The following SYNJ2 variants were observed in gnomAD, a reference collection of about 807,000 sequenced individuals.
The protein encoded by SYNJ2 is polyphosphatidylinositol phosphatase SYNJ2.
In SYNJ2, 116 loss-of-function variants were observed where a neutral mutation model predicts 141.3. The ratio of observed to expected loss-of-function variants is 0.82; its 90% CI spans 0.71 to 0.96. The LOEUF (loss-of-function observed/expected upper bound fraction) is 0.96. Among genes scored for constraint, SYNJ2 ranks in the 40% least tolerant of loss-of-function variants. The pLI, the probability that SYNJ2 is intolerant of heterozygous loss-of-function variation, is 0.00. For synonymous variants in SYNJ2, 745 were observed against 777.7 expected (o/e 0.96, Z 0.70); for missense variants, 1,873 against 1,934.8 (o/e 0.97, Z 0.60).
At position 158,040,806 on chromosome 6, in the gene SYNJ2, C is replaced by CTCAG. The variant is rs1779904533; in HGVS notation, c.712-2508_712-2507insAGTC. ...TCTGGAAGCGTCACTCAGGGTCACCCTCTGGCTGCTCAGTCTGGGGTCTAG... is the reference window on the plus strand; with the variant it reads ...TCTGGAAGCGTCACTCAGGGTCACCCTCAGTCTGGCTGCTCAGTCTGGGGTCTAG... On this transcript the variant is annotated intron_variant, in intron 4 of 26. Coordinates refer to ENST00000355585, the MANE Select transcript of SYNJ2 (RefSeq NM_003898.4). This position sits in a 1 kb window ranked among gnomAD's most constrained non-coding sequence, Gnocchi z 4.2. 6.6e-6 allele frequency among the ~76,000 whole-genome samples: 1 copy of CTCAG among 152,210 alleles called. No individual in the cohort carries two copies. The highest frequency in any genetic ancestry group is 2.1e-4 in the South Asian group (1 of 4,832).
intron 1 of SYNJ2, among the ~76,000 whole-genome samples, chr6:158,009,353 A>G (rs1322190480): frequency 2.2e-5 from 3 of 139,034 alleles, no homozygotes; most frequent in Non-Finnish European, 4.6e-5. Flanking sequence ...ACCCCCTGCC[A>G]TCACTCATCC....
At chr6:157,990,397 G>A (rs1777377906) in intron 1 of SYNJ2, among the ~76,000 whole-genome samples, 1 of 152,096 alleles carries the variant, frequency 6.6e-6, no homozygotes, top group Non-Finnish European at 1.5e-5. Context: ...TATGTTTCTA[G>A]TGAGCCCACA....
chr6:158,031,381 G>T (rs1010318724), intron 3 of SYNJ2, among the ~76,000 whole-genome samples: 3 of 152,230 alleles, frequency 2.0e-5, no homozygotes, highest in Non-Finnish European at 1.5e-5. Context: ...ACAAAGCGAG[G>T]CAAAGGGGAT....
intron 5 of SYNJ2, among the ~76,000 whole-genome samples, chr6:158,052,383 T>C (rs1780618088): frequency 6.6e-6 from 1 of 152,234 alleles, no homozygotes; most frequent in African/African-American, 2.4e-5. Context: ...ACATTGGTGT[T>C]AGTCCATTTG....
intron 15 of SYNJ2, among the ~76,000 whole-genome samples, chr6:158,072,695 AAC>A (rs1460326171): frequency 6.6e-6 from 1 of 151,976 alleles, no homozygotes; most frequent in African/African-American, 2.4e-5. Flanking sequence ...TTAAAAAAGA[AAC>A]AAACGAGTTG....
At chr6:158,082,526 G>A (rs1489555294) in intron 20 of SYNJ2, among the ~76,000 whole-genome samples, 2 of 151,690 alleles carry the variant, frequency 1.3e-5, no homozygotes, top group African/African-American at 2.4e-5. Context: ...GCCAGACATG[G>A]TGGCGCGTGC....
chr6:158,017,567 A>G (rs1374879478), intron 2 of SYNJ2: 1 of 454,196 alleles, frequency 2.2e-6, no homozygotes, highest in African/African-American at 2.0e-5. Flanking sequence ...GGCATGCGCC[A>G]CCATGCCCAA....
At chr6:158,081,820 A>G (rs1583490706) in intron 20 of SYNJ2, among the ~76,000 whole-genome samples, 1 of 150,902 alleles carries the variant, frequency 6.6e-6, no homozygotes, top group East Asian at 1.9e-4. Flanking sequence ...AGAGGATCTC[A>G]CTCTGTAGCC....
chr6:158,021,373 A>G (rs1291192730), intron 2 of SYNJ2, among the ~76,000 whole-genome samples: 1 of 152,110 alleles, frequency 6.6e-6, no homozygotes, highest in Non-Finnish European at 1.5e-5. Flanking sequence ...CCTCATCTCT[A>G]TGTTGCCTAG....
At chr6:158,067,569 G>GT (rs1159355606) in intron 12 of SYNJ2, 1 of 985,368 alleles carries the variant, frequency 1.0e-6, no homozygotes, top group Non-Finnish European at 1.2e-6. Flanking sequence ...TTGTTTGTTT[G>GT]TTTTTTGTTT....
intron 5 of SYNJ2, among the ~76,000 whole-genome samples, chr6:158,047,111 G>A (rs1456226577): frequency 6.6e-6 from 1 of 152,148 alleles, no homozygotes; most frequent in African/African-American, 2.4e-5. Context: ...TTCCAAAAAG[G>A]ACATGAGATG....
Position 158,068,656 on chromosome 6 carries a change from G to A in SYNJ2, c.1727G>A (p.Ser576Asn). The A allele has an allele frequency of 6.2e-7, 1 of 1,614,238 alleles. No individual in the cohort carries two copies. Among genetic ancestry groups the A allele is most frequent in the Non-Finnish European group, 8.5e-7 (1 of 1,180,044 alleles). Residue 576 changes from serine (S) to asparagine (N), a missense_variant, in exon 13 of 27, where the codon AGC (serine) becomes AAC (asparagine). Transcript: ENST00000355585. ...TTGCCTTGCTCCCCAGATGACAGCA[G>A]CCCAGCTGACATATTTGCTGTGGGG... is the stretch of plus-strand genomic sequence containing the variant. ...SGATDSQDDS[S>N]PADIFAVGFE...
rs2128335214 is a variant in SYNJ2, at chr6:158,027,506, AGCGACAGC to A, written c.215-1248_215-1241del. 1 of 152,532 alleles carries A rather than the reference AGCGACAGC, an allele frequency of 6.6e-6. No individual in the cohort carries two copies. The highest frequency in any genetic ancestry group is 1.9e-4 in the East Asian group (1 of 5,182). The allele number at this position is 152,532 out of a possible 1,614,324, so 9.4% of individuals were successfully genotyped here. On this transcript the variant is annotated intron_variant, in intron 2 of 26. Transcript: ENST00000355585. The surrounding 1 kb of genome is among the most constrained non-coding windows in gnomAD (Gnocchi z 4.6). Reference sequence around the variant, plus strand: ...GATAGGGAACAGAAAACCAGCTGTCAGCGACAGCGAGGTGGTGCCCCAGAGAGGGCTGC... The same window carrying A: ...GATAGGGAACAGAAAACCAGCTGTCAGAGGTGGTGCCCCAGAGAGGGCTGC...
chr6:158,056,856 G>A (rs1780898845), intron 6 of SYNJ2, among the ~76,000 whole-genome samples: 1 of 152,176 alleles, frequency 6.6e-6, no homozygotes, highest in African/African-American at 2.4e-5. Context: ...CTGCATGGGT[G>A]CCCCTGTTAG....
intron 1 of SYNJ2, among the ~76,000 whole-genome samples, chr6:157,993,996 T>C (rs2128316702): frequency 6.6e-6 from 1 of 151,726 alleles, no homozygotes. Flanking sequence ...TTGTATTTTT[T>C]AGTAGAGACG....
chr6:158,077,395 T>C lies in SYNJ2; in HGVS notation c.2449+613T>C, dbSNP rs1453001071. ...CACACCCCCACCTCTTTTTTCTGGG[T>C]GGGGAAAGCGGGGAGCATGAGGTTG... On this transcript the variant is annotated intron_variant, in intron 17 of 26. Transcript: ENST00000355585. 4.6e-5 allele frequency among the ~76,000 whole-genome samples: 7 copies of C among 152,070 alleles called. 1 individual carries two copies. Among genetic ancestry groups the C allele is most frequent in the African/African-American group, 1.4e-4 (6 of 41,414 alleles).
rs1781384125 is a variant in SYNJ2 at position 158,063,843 on chromosome 6, A to C, written c.1180A>C (p.Asn394His). Residue 394 changes from asparagine to histidine, a missense_variant, in exon 9 of 27, where the codon AAC becomes CAC. By Grantham distance (68) the Asn-to-His change is moderately conservative (BLOSUM62 1). Transcript: ENST00000355585. ...CTGTCTTGACTGCCTGGACCGAACC[A>C]ACACTGTGCAGAGCTTCATCGCGCT... The part of the protein sequence containing the change: ...MNCLDCLDRT[N>H]TVQSFIALEV... The C allele has an allele frequency of 6.2e-7, 1 of 1,613,656 alleles. No individual in the cohort carries two copies. Among genetic ancestry groups the C allele is most frequent in the Non-Finnish European group, 8.5e-7 (1 of 1,179,894 alleles).
chr6:157,993,771 G>A (rs1231300024), intron 1 of SYNJ2, among the ~76,000 whole-genome samples: 1 of 137,972 alleles, frequency 7.2e-6, no homozygotes, highest in Non-Finnish European at 1.6e-5. Context: ...AGGGAGGCGG[G>A]AGTTTGTGTG....
rs1783099370 is a variant in SYNJ2 at position 158,087,093 on chromosome 6, C to T, written c.3343+104C>T. 15 of 1,377,900 alleles carry T rather than the reference C, an allele frequency of 1.1e-5. No homozygotes were observed. In the South Asian group the frequency reaches 1.5e-4, roughly 13 times the overall value. 85.4% of individuals were successfully genotyped at this position (1,377,900 alleles called of 1,614,324 possible). A position where few individuals can be genotyped will look rare whatever the true frequency, so the allele number is the denominator to read the frequency against. On this transcript the variant is annotated intron_variant, in intron 23 of 26. Transcript: ENST00000355585. ...CCGAATCCACTTCTCCCCGGCCTTC[C>T]GGTCCCCACAGGGCTTCCTCCTCCT... is the stretch of plus-strand genomic sequence containing the variant.
Sources: allele counts gnomAD v4.1 joint callset (sites outside exome capture counted in the v4.1 genomes callset), GRCh38; gene constraint gnomAD v4.1.1; non-coding constraint Gnocchi (gnomAD v3.1); transcripts MANE v1.5; gene names NCBI Gene and HGNC (gene_info 2026-07-23, HGNC 2026-07-21).